The following RUNX1T1 variants were observed in gnomAD, a reference collection of about 807,000 sequenced individuals.
The protein encoded by RUNX1T1 is protein CBFA2T1.
A neutral mutation model predicts 62.8 loss-of-function variants in RUNX1T1; 4 were observed. The ratio of observed to expected loss-of-function variants is 0.06; its 90% CI spans 0.03 to 0.15. RUNX1T1 has a LOEUF of 0.15. Among genes scored for constraint, RUNX1T1 ranks in the 10% least tolerant of loss-of-function variants. The pLI, the probability that RUNX1T1 is intolerant of heterozygous loss-of-function variation, is 1.00. For missense variants in RUNX1T1, 508 were observed against 754.3 expected (o/e 0.67, Z 3.82); for synonymous variants, 291 against 286.0 (o/e 1.02, Z -0.18).
chr8:92,095,468 TGTGTGTGAGTGA>T (rs1429351429), intron 1 of RUNX1T1: 2 of 1,533,282 alleles, frequency 1.3e-6, no homozygotes, highest in Non-Finnish European at 1.7e-6. Context: ...GATGGCACAT[TGTGTGTGAGTGA>T]GTGTGTGAGC....
intron 1 of RUNX1T1, among the ~76,000 whole-genome samples, chr8:92,058,588 ATCT>A (rs1181599783): frequency 6.6e-6 from 1 of 152,214 alleles, no homozygotes; most frequent in African/African-American, 2.4e-5. Flanking sequence ...TCCTCAAAAG[ATCT>A]TCTTACTTTC....
upstream of RUNX1T1, chr8:92,063,575 T>C (rs1832407787): frequency 6.6e-6 from 1 of 152,198 alleles, no homozygotes; most frequent in Non-Finnish European, 1.5e-5. Context: ...TATATAAAAC[T>C]AGAAGCCTTT....
In RUNX1T1 at chr8:92,073,224, G is replaced by C. The variant is rs564892798; in HGVS notation, c.88+2741C>G. Among the ~76,000 whole-genome samples, 25 of 152,212 alleles carry C rather than the reference G, an allele frequency of 1.6e-4. 1 individual carries two copies. The East Asian group carries it at 4.3e-3, about 26-fold the overall frequency. ...ACAATGGCAGGCATTACAGGAGAAC[G>C]GCTCCAAATGGCATTCTAGAGGACC... On this transcript the variant is annotated intron_variant, in intron 2 of 11. Coordinates refer to the RUNX1T1 transcript ENST00000265814.
At chr8:92,045,175 C>A (rs1240534211) in intron 1 of RUNX1T1, among the ~76,000 whole-genome samples, 1 of 151,376 alleles carries the variant, frequency 6.6e-6, no homozygotes, top group Non-Finnish European at 1.5e-5. Context: ...AGTTAATTAC[C>A]AAGTGGGAAT....
chr8:92,036,744 T>C (rs1283515482), intron 1 of RUNX1T1, among the ~76,000 whole-genome samples: 2 of 152,222 alleles, frequency 1.3e-5, no homozygotes, highest in Admixed American at 6.5e-5. Context: ...GATTTTGCCC[T>C]GGAAAATGTG....
chr8:92,014,491 A>C (rs917949261), intron 3 of RUNX1T1, 88 bp downstream of exon 4: 37 of 1,192,756 alleles, frequency 3.1e-5, no homozygotes, highest in African/African-American at 4.6e-5. Context: ...ATAACAAAAT[A>C]CTTGCGAGAA....
At chr8:92,094,315 C>T (rs1837471304) in intron 1 of RUNX1T1, among the ~76,000 whole-genome samples, 1 of 152,184 alleles carries the variant, frequency 6.6e-6, no homozygotes, top group African/African-American at 2.4e-5. Flanking sequence ...GAAGGCAAAA[C>T]AACCATCTTT....
intron 1 of RUNX1T1, among the ~76,000 whole-genome samples, chr8:92,054,984 G>A (rs1005657208): frequency 6.6e-6 from 1 of 152,020 alleles, no homozygotes; most frequent in Non-Finnish European, 1.5e-5. Context: ...CAGCCTGGGC[G>A]ACAGAGTGAG....
chr8:92,008,063 C>T (rs2131059271), intron 4 of RUNX1T1, among the ~76,000 whole-genome samples: 1 of 151,584 alleles, frequency 6.6e-6, no homozygotes, highest in African/African-American at 2.4e-5. Context: ...ACATGCAGTC[C>T]ATCATTGTCT....
chr8:91,986,887 A>T (rs1816679996), exon 7 of RUNX1T1: 1 of 1,581,432 alleles, frequency 6.3e-7, no homozygotes, highest in African/African-American at 1.3e-5. Context: ...GATGTCTTAC[A>T]TGGTCAAGAT....
chr8:91,971,824 G>C (rs930477768), intron 9 of RUNX1T1, among the ~76,000 whole-genome samples: 1 of 152,128 alleles, frequency 6.6e-6, no homozygotes, highest in Non-Finnish European at 1.5e-5. Flanking sequence ...AGGAAAGGGT[G>C]CAAAGATTCA....
At chr8:92,021,837 T>C (rs773419878) in intron 1 of RUNX1T1, among the ~76,000 whole-genome samples, 84 of 151,612 alleles carry the variant, frequency 5.5e-4, no homozygotes, top group Non-Finnish European at 1.0e-3. Context: ...TCCTAGGCTC[T>C]ATCAAATACC....
chr8:92,013,491 G>A (rs1253622560), intron 3 of RUNX1T1, among the ~76,000 whole-genome samples: 1 of 151,800 alleles, frequency 6.6e-6, no homozygotes, highest in Non-Finnish European at 1.5e-5. Flanking sequence ...CAACTGGTAT[G>A]GCTTTGCCCC....
chr8:92,054,380 GTTTT>G (rs1830692226), intron 1 of RUNX1T1, among the ~76,000 whole-genome samples: 1 of 152,152 alleles, frequency 6.6e-6, no homozygotes, highest in African/African-American at 2.4e-5. Context: ...ACTTGGCACT[GTTTT>G]GTGGGGGGTT....
exon 2 of RUNX1T1, chr8:92,017,311 C>T (rs760199416): frequency 6.2e-6 from 10 of 1,613,868 alleles, no homozygotes; most frequent in Admixed American, 3.3e-5. Context: ...GCCTAGATTG[C>T]GTCTTCACAT....
At chr8:91,980,822 C>T (rs1390043942) in intron 8 of RUNX1T1, among the ~76,000 whole-genome samples, 1 of 152,050 alleles carries the variant, frequency 6.6e-6, no homozygotes, top group African/African-American at 2.4e-5. Flanking sequence ...CAGGCATGCA[C>T]CATCATGCCC....
chr8:92,094,036 A>C (rs1837421061), intron 1 of RUNX1T1, among the ~76,000 whole-genome samples: 1 of 152,222 alleles, frequency 6.6e-6, no homozygotes, highest in African/African-American at 2.4e-5. Flanking sequence ...TGAAGGCAGA[A>C]ATGACATACA....
intron 1 of RUNX1T1, among the ~76,000 whole-genome samples, chr8:92,087,901 A>G (rs747051864): frequency 3.9e-5 from 6 of 152,198 alleles, no homozygotes; most frequent in Non-Finnish European, 7.3e-5. Context: ...TCTCGAGCCA[A>G]CTCAAATCTT....
intron 5 of RUNX1T1, among the ~76,000 whole-genome samples, chr8:91,996,005 G>A (rs933735400): frequency 6.6e-6 from 1 of 152,018 alleles, no homozygotes; most frequent in Admixed American, 6.6e-5. Flanking sequence ...TCATTTGCTC[G>A]GTTGAACTCC....
Sources: allele counts gnomAD v4.1 joint callset (sites outside exome capture counted in the v4.1 genomes callset), GRCh38; gene constraint gnomAD v4.1.1; transcripts MANE v1.5; gene names NCBI Gene and HGNC (gene_info 2026-07-23, HGNC 2026-07-21).